TMED3: variants seen among roughly 807,000 people sequenced by gnomAD.
TMED3 encodes transmembrane p24 trafficking protein 3.
TMED3 carries 9 observed loss-of-function variants against 15.0 expected under a neutral mutation model. That is an observed-to-expected ratio of 0.60 (90% confidence interval 0.36 to 1.04). TMED3 has a LOEUF of 1.04. TMED3 is among the 50% of genes least tolerant of loss of function. TMED3 has a pLI of 0.01. For synonymous variants in TMED3, 117 were observed against 121.4 expected, an observed-to-expected ratio of 0.96 and a Z score of 0.24; for missense variants, 267 against 278.9, an observed-to-expected ratio of 0.96 and a Z score of 0.30.
chr15:79,322,158 C>A lies in TMED3; in HGVS notation c.598C>A (p.Leu200Met), dbSNP rs1214038495. 1 of 1,614,200 alleles carries A rather than the reference C, an allele frequency of 6.2e-7. No homozygotes were observed. The highest frequency in any genetic ancestry group is 2.2e-5 in the East Asian group (1 of 44,874). Reference sequence around the variant, plus strand: ...CGTGGTCAGCTTCAGTCAGGTGCTACTGTTGAAAAGCTTCTTCACAGAAAA... The same window carrying A: ...CGTGGTCAGCTTCAGTCAGGTGCTAATGTTGAAAAGCTTCTTCACAGAAAA... ...LFVVSFSQVL[L>M]LKSFFTEKRP... The change falls in exon 3 of 3, where the codon CTG (leucine) becomes ATG (methionine). Residue 200 changes from leucine to methionine, a missense_variant. Physicochemically the swap from Leu to Met is conservative, Grantham distance 15. Around this residue, in one of 3 missense-constraint regions of TMED3, gnomAD observed 139 missense variants for 125.0 expected, o/e 1.11. Transcript: ENST00000299705.
intron 2 of TMED3, among the ~76,000 whole-genome samples, chr15:79,356,100 A>G (rs1214369181): frequency 6.6e-6 from 1 of 152,134 alleles, no homozygotes; most frequent in Non-Finnish European, 1.5e-5. Flanking sequence ...CTCCCAGCAC[A>G]TGTCCTGGGT....
intron 2 of TMED3, among the ~76,000 whole-genome samples, chr15:79,370,388 G>A (rs552774894): frequency 1.5e-4 from 23 of 151,504 alleles, no homozygotes; most frequent in African/African-American, 5.6e-4. Flanking sequence ...CCACAGGAGT[G>A]CAGACTCCTG....
intron 2 of TMED3, among the ~76,000 whole-genome samples, chr15:79,380,261 GA>G (rs1453193707): frequency 6.6e-6 from 1 of 151,834 alleles, no homozygotes; most frequent in East Asian, 1.9e-4. Context: ...TGAGGCAGGA[GA>G]ATCGCTTGAA....
chr15:79,322,541 C>CT lies in TMED3; in HGVS notation c.*329dup. 8.7e-7 allele frequency: 1 copy of CT among 1,151,124 alleles called. No individual in the cohort carries two copies. Among genetic ancestry groups the CT allele is most frequent in the Non-Finnish European group, 1.1e-6 (1 of 933,378 alleles). The allele number at this position is 1,151,124 out of a possible 1,614,324, so 71.3% of individuals were successfully genotyped here. On this transcript the variant is annotated 3_prime_UTR_variant, in exon 3 of 3. Coordinates refer to ENST00000299705, the MANE Select transcript of TMED3 (RefSeq NM_007364.4). ...GCAGGAACTCCAAGTGCCCAGGCCT[C>CT]TTGGGCAGCTTAGGGCCCTGCCTCT...
chr15:79,387,613 C>CACACAT (rs559998231), intron 2 of TMED3, among the ~76,000 whole-genome samples: 145 of 152,048 alleles, frequency 9.5e-4, no homozygotes, highest in Middle Eastern at 3.4e-3. Flanking sequence ...CACACACACA[C>CACACAT]ACACACATAC....
chr15:79,351,482 C>G (rs76237905), intron 2 of TMED3, among the ~76,000 whole-genome samples: 1 of 152,186 alleles, frequency 6.6e-6, no homozygotes, highest in South Asian at 2.1e-4. Context: ...TTTTCCTCTT[C>G]TTTCACAATA....
At chr15:79,376,584 C>T (rs1478724528) in intron 2 of TMED3, among the ~76,000 whole-genome samples, 1 of 152,106 alleles carries the variant, frequency 6.6e-6, no homozygotes, top group Admixed American at 6.5e-5. Flanking sequence ...CACACTGTTG[C>T]AATTGTTATT....
At chr15:79,400,183 A>C (rs1016477533) in intron 2 of TMED3, among the ~76,000 whole-genome samples, 2 of 151,644 alleles carry the variant, frequency 1.3e-5, no homozygotes, top group African/African-American at 4.9e-5. Context: ...TTCTGCTGTC[A>C]CTCCTCACAG....
rs150326036 is a variant in TMED3 at position 79,315,504 on chromosome 15, A to G, written c.417+1499A>G. Reference sequence around the variant, plus strand: ...CACTGTTGAGACAGCCTCTATTGGGAAGATTCTGTAAGTCTCCAAAAGCTG... The same window carrying G: ...CACTGTTGAGACAGCCTCTATTGGGGAGATTCTGTAAGTCTCCAAAAGCTG... On this transcript the variant is annotated intron_variant, in intron 2 of 2. Transcript: ENST00000299705. Among the ~76,000 whole-genome samples the G allele has an allele frequency of 2.5e-3, 385 of 152,258 alleles. 2 individuals carry two copies. The highest frequency in any genetic ancestry group is 0.015 in the Admixed American group (235 of 15,298).
chr15:79,363,535 A>C (rs1369246284), intron 2 of TMED3, among the ~76,000 whole-genome samples: 1 of 151,946 alleles, frequency 6.6e-6, no homozygotes, highest in Non-Finnish European at 1.5e-5. Context: ...TCCAAGTGAA[A>C]AATGACAGCC....
chr15:79,413,177 A>G (rs925114), exon 3 of TMED3: 64,927 of 152,088 alleles, frequency 0.43, 14,297 homozygotes, highest in Middle Eastern at 0.56. Context: ...TCTTTCTCCA[A>G]ATGACCACAC....
At chr15:79,376,271 A>G (rs1159271082) in intron 2 of TMED3, among the ~76,000 whole-genome samples, 1 of 152,212 alleles carries the variant, frequency 6.6e-6, no homozygotes, top group African/African-American at 2.4e-5. Context: ...AAACCATGCT[A>G]TGAAGATCAG....
intron 2 of TMED3, among the ~76,000 whole-genome samples, chr15:79,319,156 C>CT (rs1397552154): frequency 1.3e-5 from 2 of 152,224 alleles, no homozygotes; most frequent in African/African-American, 2.4e-5. Context: ...CAGTCTAACT[C>CT]TATCAGTTCC....
At chr15:79,375,627 A>T (rs1036650367) in intron 2 of TMED3, among the ~76,000 whole-genome samples, 2 of 152,150 alleles carry the variant, frequency 1.3e-5, no homozygotes, top group African/African-American at 2.4e-5. Context: ...AGCAAGAGAG[A>T]GAGGGAGGAG....
chr15:79,311,312 C>G lies in TMED3; in HGVS notation c.63C>G (p.Ala21=), dbSNP rs151007867. ...TTCTGCTGCTGCTCCTGCGCCGGGCCGAGCAGCCCTGCGGGGCCGAGCTCA... is the reference window on the plus strand; with the variant it reads ...TTCTGCTGCTGCTCCTGCGCCGGGCGGAGCAGCCCTGCGGGGCCGAGCTCA... ...VLLLLLLLRR[A]EQPCGAELTF... is the part of the protein sequence containing the mutation. The change falls in exon 1 of 3, where the codon GCC becomes GCG. Residue 21 remains alanine (A), a synonymous_variant. Coordinates refer to ENST00000299705, the MANE Select transcript of TMED3 (RefSeq NM_007364.4). 9.3e-4 allele frequency: 1,494 copies of G among 1,607,518 alleles called. 1 individual carries two copies. The highest frequency in any genetic ancestry group is 1.2e-3 in the Non-Finnish European group (1,357 of 1,177,814).
At chr15:79,408,785 G>C (rs377658546) in intron 2 of TMED3, among the ~76,000 whole-genome samples, 1 of 152,142 alleles carries the variant, frequency 6.6e-6, no homozygotes, top group Non-Finnish European at 1.5e-5. Context: ...TCCCAGCCTT[G>C]TGCGATTCAA....
intron 2 of TMED3, among the ~76,000 whole-genome samples, chr15:79,368,087 G>A (rs1893270980): frequency 6.6e-6 from 1 of 152,196 alleles, no homozygotes; most frequent in Non-Finnish European, 1.5e-5. Flanking sequence ...AGGGACGTAT[G>A]TTAGGATGTT....
chr15:79,386,284 T>C (rs774677493), intron 2 of TMED3, among the ~76,000 whole-genome samples: 24 of 152,370 alleles, frequency 1.6e-4, no homozygotes, highest in African/African-American at 4.3e-4. Context: ...TTTAATGTTA[T>C]GTGCTTTTGA....
downstream of TMED3, chr15:79,322,909 G>A (rs2058774111): frequency 2.0e-6 from 2 of 984,666 alleles, no homozygotes; most frequent in Non-Finnish European, 2.4e-6. Flanking sequence ...ATGGGTGTGT[G>A]CATAAATAAT....
Sources: gnomAD v4.1 joint callset for allele counts (sites outside exome capture counted in the v4.1 genomes callset) on GRCh38, gnomAD v4.1.1 for gene constraint, gnomAD v4.1.1 regional missense constraint, MANE v1.5 for transcripts, NCBI Gene and HGNC (gene_info 2026-07-23, HGNC 2026-07-21) for gene names.